The following PADI1 variants were observed in gnomAD, a reference collection of about 807,000 sequenced individuals.
PADI1 encodes protein-arginine deiminase type-1.
Under a neutral mutation model 74.8 loss-of-function variants are expected in PADI1, and 65 were observed. The observed-to-expected ratio is 0.87, with a 90% confidence interval of 0.71 to 1.07. The LOEUF (loss-of-function observed/expected upper bound fraction) is 1.07, where lower values mean the gene tolerates loss of function less well. Ranked by LOEUF, PADI1 falls within the 50% of genes least tolerant of loss-of-function variation. PADI1 has a pLI of 0.00. For synonymous variants in PADI1, 371 were observed against 336.2 expected, an observed-to-expected ratio of 1.10 and a Z score of -1.13; for missense variants, 943 against 854.0, an observed-to-expected ratio of 1.10 and a Z score of -1.30.
intron 1 of PADI1, among the ~76,000 whole-genome samples, chr1:17,220,173 G>C (rs1290502882): frequency 6.6e-6 from 1 of 152,040 alleles, no homozygotes; most frequent in Non-Finnish European, 1.5e-5. Context: ...GGGGCTCCTG[G>C]GGCCCCTGCA....
chr1:17,223,828 G>C, intron 3 of PADI1, 135 bp downstream of exon 3: 1 of 715,616 alleles, frequency 1.4e-6, no homozygotes, highest in East Asian at 2.7e-5. Context: ...GGATTCCTCG[G>C]GACCTTCTGT....
rs142743457 is a variant in PADI1 at position 17,221,678 on chromosome 1, G to T, written c.93-612G>T. Among the ~76,000 whole-genome samples the T allele has an allele frequency of 5.0e-3, 766 of 152,226 alleles. 1 individual carries two copies. Among genetic ancestry groups the T allele is most frequent in the Non-Finnish European group, 8.1e-3 (549 of 67,988 alleles). On this transcript the variant is annotated intron_variant, in intron 1 of 15. Transcript: ENST00000375471. ...GGAGCAGTCCATGCAGCAGGAGCGG[G>T]CAGTGCCAGGACAGCCTTGCCATCT...
intron 6 of PADI1, 32 bp downstream of exon 6, chr1:17,226,190 G>C (rs760129969): frequency 6.2e-6 from 10 of 1,611,638 alleles, no homozygotes; most frequent in Non-Finnish European, 7.6e-6. Context: ...TTTCCTCCCA[G>C]CTCCATCCAT....
chr1:17,231,799 T>C (rs1487980744), intron 10 of PADI1, among the ~76,000 whole-genome samples: 1 of 152,012 alleles, frequency 6.6e-6, no homozygotes, highest in Non-Finnish European at 1.5e-5. Flanking sequence ...TTTATTATAC[T>C]TTAAGTTCTA....
intron 1 of PADI1, among the ~76,000 whole-genome samples, chr1:17,219,922 G>A (rs2072089772): frequency 6.6e-6 from 1 of 152,074 alleles, no homozygotes; most frequent in South Asian, 2.1e-4. Flanking sequence ...AACTGTCCAG[G>A]GTGGGACTGA....
At chr1:17,228,042 G>A (rs547100674) in intron 6 of PADI1, among the ~76,000 whole-genome samples, 34 of 152,238 alleles carry the variant, frequency 2.2e-4, no homozygotes, top group African/African-American at 7.2e-4. Flanking sequence ...CCAGGCTGGC[G>A]TGCAGTGATG....
intron 15 of PADI1, among the ~76,000 whole-genome samples, chr1:17,241,528 T>G: frequency 7.4e-6 from 1 of 134,368 alleles, no homozygotes; most frequent in African/African-American, 3.0e-5. Flanking sequence ...GGAATCAGGG[T>G]TGGAAGTGAA....
intron 12 of PADI1, 112 bp from the exon 13 acceptor site, chr1:17,238,504 T>TC: frequency 2.2e-6 from 1 of 448,100 alleles, no homozygotes; most frequent in South Asian, 7.6e-5. Context: ...GTAGACCGAG[T>TC]GGGAGAGGGG....
At chr1:17,217,910 G>C (rs912835320) in intron 1 of PADI1, among the ~76,000 whole-genome samples, 2 of 152,258 alleles carry the variant, frequency 1.3e-5, no homozygotes, top group African/African-American at 4.8e-5. Flanking sequence ...CCATGACATT[G>C]TGGTTAGTAC....
chr1:17,234,234 G>C (rs989937364), intron 11 of PADI1, among the ~76,000 whole-genome samples: 7 of 152,186 alleles, frequency 4.6e-5, no homozygotes, highest in African/African-American at 1.7e-4. Context: ...TGTATGCCAG[G>C]CACAGTTAAA....
At chr1:17,219,149 C>G (rs1390074079) in intron 1 of PADI1, among the ~76,000 whole-genome samples, 2 of 152,062 alleles carry the variant, frequency 1.3e-5, no homozygotes, top group East Asian at 3.9e-4. Flanking sequence ...AGAGTTGGAT[C>G]TGATTGTATA....
intron 1 of PADI1, among the ~76,000 whole-genome samples, chr1:17,209,412 C>A (rs562798384): frequency 6.6e-6 from 1 of 152,158 alleles, no homozygotes; most frequent in Admixed American, 6.5e-5. Flanking sequence ...CTGACAGGCC[C>A]GGGGGTTGTA....
chr1:17,240,897 G>A (rs528307790), intron 15 of PADI1, 137 bp downstream of exon 15: 2 of 1,039,202 alleles, frequency 1.9e-6, no homozygotes, highest in Non-Finnish European at 2.8e-6. Flanking sequence ...TGAATATAGA[G>A]AACATTCCCA....
At chr1:17,229,436 G>A (rs12091488) in intron 8 of PADI1, among the ~76,000 whole-genome samples, 45,542 of 152,076 alleles carry the variant, frequency 0.3, 8,384 homozygotes, top group African/African-American at 0.53. Flanking sequence ...TATGGACATG[G>A]GAACCCAGTC....
intron 1 of PADI1, among the ~76,000 whole-genome samples, chr1:17,213,465 G>C (rs1306926021): frequency 6.6e-6 from 1 of 152,182 alleles, no homozygotes; most frequent in Non-Finnish European, 1.5e-5. Flanking sequence ...CCCAGAGAGA[G>C]GCTTCTTTCT....
At chr1:17,226,205 A>G (rs781300200) in intron 6 of PADI1, 47 bp downstream of exon 6, 5 of 1,595,278 alleles carry the variant, frequency 3.1e-6, no homozygotes, top group Admixed American at 3.4e-5. Flanking sequence ...ATCCATATCT[A>G]TCCTCTCCTC....
Position 17,244,498 on chromosome 1 carries a change from A to G in PADI1, c.*255A>G. 1 of 595,948 alleles carries G rather than the reference A, an allele frequency of 1.7e-6. No homozygotes were observed. Among genetic ancestry groups the G allele is most frequent in the East Asian group, 3.6e-5 (1 of 27,704 alleles). The allele number at this position is 595,948 out of a possible 1,614,324, so 36.9% of individuals were successfully genotyped here. Reference sequence around the variant, plus strand: ...CACCCACAGCCCCCAGAGGCTCTAGATCAACAATGTTAGCATGTTCCAGAA... The same window carrying G: ...CACCCACAGCCCCCAGAGGCTCTAGGTCAACAATGTTAGCATGTTCCAGAA... On this transcript the variant is annotated 3_prime_UTR_variant, in exon 16 of 16. Transcript: ENST00000375471.
chr1:17,222,225 C>A, intron 1 of PADI1, 65 bp from the exon 2 acceptor site: 1 of 1,259,010 alleles, frequency 7.9e-7, no homozygotes, highest in Non-Finnish European at 1.1e-6. Flanking sequence ...CCCCACCCCA[C>A]TGTGGCCACT....
rs560199534 is a variant in PADI1 at position 17,242,507 on chromosome 1, G to C, written c.1759-1503G>C. On this transcript the variant is annotated intron_variant, in intron 15 of 15. Transcript: ENST00000375471. ...CTGAGCTCTGGTTCTGGCTGAAGGT[G>C]GCGGGGAGGGCCTAGGCTGGAGCGT... Among the ~76,000 whole-genome samples the C allele has an allele frequency of 1.6e-3, 242 of 152,312 alleles. 1 individual carries two copies. The highest frequency in any genetic ancestry group is 5.3e-3 in the African/African-American group (220 of 41,550).
Sources: allele counts gnomAD v4.1 joint callset (sites outside exome capture counted in the v4.1 genomes callset), GRCh38; gene constraint gnomAD v4.1.1; transcripts MANE v1.5; gene names NCBI Gene and HGNC (gene_info 2026-07-23, HGNC 2026-07-21).